The following DPH6 variants were observed in gnomAD, a reference collection of about 807,000 sequenced individuals.
DPH6 encodes diphthine--ammonia ligase.
A neutral mutation model predicts 38.2 loss-of-function variants in DPH6; 33 were observed. The observed-to-expected ratio is 0.86, with a 90% CI of 0.65 to 1.15. The LOEUF is 1.15. Ranked by LOEUF, DPH6 falls within the 50% of genes most tolerant of loss-of-function variation. DPH6 has a pLI of 0.00. For missense variants in DPH6, 325 were observed against 320.0 expected (o/e 1.02, Z -0.12); for synonymous variants, 108 against 103.0 (o/e 1.05, Z -0.30).
At chr15:35,489,899 T>G (rs751974507) in intron 3 of DPH6, 168 of 963,874 alleles carry the variant, frequency 1.7e-4, no homozygotes, top group Non-Finnish European at 2.0e-4. Flanking sequence ...TTTTCTGTAC[T>G]AAAAATCTAT....
At chr15:35,416,977 T>C (rs1210617192) in intron 5 of DPH6, among the ~76,000 whole-genome samples, 1 of 152,078 alleles carries the variant, frequency 6.6e-6, no homozygotes, top group East Asian at 1.9e-4. Context: ...AGATTATTCA[T>C]CCTACTCCAG....
At chr15:35,329,023 C>A (rs961391044), downstream of DPH6, among the ~76,000 whole-genome samples, 1 of 152,152 alleles carries the variant, frequency 6.6e-6, no homozygotes, top group Non-Finnish European at 1.5e-5. Context: ...CGGGAAACTG[C>A]CCCCATGATT....
At chr15:35,147,965 T>G in the DPH6 span, among the ~76,000 whole-genome samples, 1 of 152,212 alleles carries the variant, frequency 6.6e-6, no homozygotes, top group Non-Finnish European at 1.5e-5. Context: ...CTCTGAACGA[T>G]GAATCAGTGC....
rs115574766 is a variant in DPH6 at position 35,480,953 on chromosome 15, A to G, written c.313-26133T>C. Among the ~76,000 whole-genome samples the G allele has an allele frequency of 8.4e-3, 1,191 of 142,554 alleles. 16 individuals are homozygous for G. The highest frequency in any genetic ancestry group is 0.03 in the African/African-American group (1,147 of 38,502). 93.5% of individuals were successfully genotyped at this position (142,554 alleles called of 152,430 possible). ...AGTATATGTTTCCTGATGGAAGAAC[A>G]TACAACCATATGTGGGGTATTCTTT... is the stretch of plus-strand genomic sequence containing the variant. On this transcript the variant is annotated intron_variant, in intron 3 of 8. Coordinates refer to ENST00000256538, the MANE Select transcript of DPH6 (RefSeq NM_080650.4).
intron 6 of DPH6, among the ~76,000 whole-genome samples, chr15:35,388,084 C>G: frequency 6.6e-6 from 1 of 152,128 alleles, no homozygotes. Flanking sequence ...GCCTTTTCTG[C>G]ATCTATTGAA....
chr15:35,441,500 C>T (rs181062915), intron 5 of DPH6, among the ~76,000 whole-genome samples: 17 of 152,110 alleles, frequency 1.1e-4, no homozygotes, highest in Non-Finnish European at 1.9e-4. Context: ...ATGAGTTCGT[C>T]GCCTTTGCAG....
chr15:35,194,617 G>A, the DPH6 span, among the ~76,000 whole-genome samples: 595 of 152,232 alleles, frequency 3.9e-3, 5 homozygotes, highest in African/African-American at 0.014. Flanking sequence ...TTCTGTAGTC[G>A]AATATTTCAA....
At chr15:35,381,979 C>T (rs2052873028) in intron 6 of DPH6, 63 bp from the exon 7 acceptor site, 2 of 1,213,370 alleles carry the variant, frequency 1.6e-6, no homozygotes, top group African/African-American at 1.5e-5. Flanking sequence ...TAAATGCTCT[C>T]TTATCTGGTA....
intron 3 of DPH6, among the ~76,000 whole-genome samples, chr15:35,491,036 C>A (rs1166969021): frequency 6.6e-6 from 1 of 152,066 alleles, no homozygotes; most frequent in African/African-American, 2.4e-5. Context: ...AGCATTAATC[C>A]ATTCTTGAGG....
intron 3 of DPH6, among the ~76,000 whole-genome samples, chr15:35,257,749 G>T (rs543736287): frequency 1.4e-5 from 2 of 146,854 alleles, no homozygotes; most frequent in African/African-American, 2.5e-5. Context: ...ACTCAAAACA[G>T]TATTATTTTC....
At chr15:35,242,369 T>C (rs948800286) in intron 3 of DPH6, among the ~76,000 whole-genome samples, 2 of 142,634 alleles carry the variant, frequency 1.4e-5, no homozygotes, top group Non-Finnish European at 3.1e-5. Context: ...ATAGCCTTTC[T>C]GTCCAAACAA....
chr15:35,216,429 A>T (rs146751358), downstream of DPH6, among the ~76,000 whole-genome samples: 529 of 152,234 alleles, frequency 3.5e-3, 1 homozygote, highest in African/African-American at 0.012. Flanking sequence ...CTCTCACTTT[A>T]TTTTCATATT....
At chr15:35,147,701 C>T in the DPH6 span, among the ~76,000 whole-genome samples, 10 of 152,138 alleles carry the variant, frequency 6.6e-5, no homozygotes, top group Non-Finnish European at 1.3e-4. Flanking sequence ...GACAGATGGT[C>T]TGAAATAATC....
chr15:35,179,204 C>CAAAAAA, the DPH6 span, among the ~76,000 whole-genome samples: 2 of 50,584 alleles, frequency 4.0e-5, no homozygotes, highest in Non-Finnish European at 7.9e-5. Context: ...ACAACTCTGT[C>CAAAAAA]AAAAAAAAAA....
chr15:35,439,733 A>G (rs2053763088), intron 5 of DPH6, among the ~76,000 whole-genome samples: 1 of 151,722 alleles, frequency 6.6e-6, no homozygotes, highest in Non-Finnish European at 1.5e-5. Context: ...AGTTCACCCA[A>G]CTCATAGTCA....
intron 3 of DPH6, among the ~76,000 whole-genome samples, chr15:35,527,101 CTAA>C (rs1368060233): frequency 6.6e-6 from 1 of 152,078 alleles, no homozygotes; most frequent in African/African-American, 2.4e-5. Context: ...CATTAACTTA[CTAA>C]TAAAGTCAAG....
chr15:35,507,218 T>C (rs950140659), intron 3 of DPH6, among the ~76,000 whole-genome samples: 2 of 151,750 alleles, frequency 1.3e-5, no homozygotes, highest in Non-Finnish European at 2.9e-5. Flanking sequence ...CAAGCTAAAC[T>C]GAAAAAAGAA....
intron 3 of DPH6, among the ~76,000 whole-genome samples, chr15:35,312,721 T>TGCA (rs1308591652): frequency 2.6e-5 from 4 of 152,342 alleles, no homozygotes; most frequent in African/African-American, 9.6e-5. Flanking sequence ...AGAACTCTAT[T>TGCA]TCCTTCTTTT....
rs190282735 is a variant in DPH6 at position 35,261,612 on chromosome 15, C to T, written n.201-41030G>A. 2.4e-3 allele frequency among the ~76,000 whole-genome samples: 358 copies of T among 152,082 alleles called. 1 individual carries two copies. The highest frequency in any genetic ancestry group is 8.0e-3 in the African/African-American group (332 of 41,490). The stretch of plus-strand genomic sequence containing the variant: ...CTTTGGGAGGCAGAGGCGGGAAGAT[C>T]GCTTGAGCTCAGGAGTTTGAGACCA... On this transcript the variant is annotated intron_variant and non_coding_transcript_variant, in intron 3 of 3. Transcript: ENST00000560386.
Sources: gnomAD v4.1 joint callset for allele counts (sites outside exome capture counted in the v4.1 genomes callset) on GRCh38, gnomAD v4.1.1 for gene constraint, MANE v1.5 for transcripts, NCBI Gene and HGNC (gene_info 2026-07-23, HGNC 2026-07-21) for gene names.